YPEL1: variants seen among roughly 807,000 people sequenced by gnomAD.
YPEL1 encodes yippee like 1.
A neutral mutation model predicts 17.3 loss-of-function variants in YPEL1; 7 were observed. That is an observed-to-expected ratio of 0.40 (90% CI 0.23 to 0.76). The LOEUF (loss-of-function observed/expected upper bound fraction) is 0.76. YPEL1 is among the 30% of genes least tolerant of loss of function. The pLI is 0.35. For missense variants in YPEL1, 91 were observed against 155.5 expected (o/e 0.59, Z 2.21); for synonymous variants, 59 against 59.6 (o/e 0.99, Z 0.05).
At position 21,731,494 on chromosome 22, in the gene YPEL1, T is replaced by C. The variant is rs184335901; in HGVS notation, c.-165+4121A>G. ...TTATTTACCCTCATGCTAAATAAAG[T>C]CTCATCAGACATTAAAGGCCCTGTC... On this transcript the variant is annotated intron_variant, in intron 1 of 4. Transcript: ENST00000339468. 1.8e-4 allele frequency among the ~76,000 whole-genome samples: 26 copies of C among 143,180 alleles called. 1 individual carries two copies. The highest frequency in any genetic ancestry group is 1.4e-3 in the Admixed American group (20 of 14,064). 93.9% of individuals were successfully genotyped at this position (143,180 alleles called of 152,430 possible). A position where few individuals can be genotyped will look rare whatever the true frequency, so the allele number is the denominator to read the frequency against.
intron 1 of YPEL1, among the ~76,000 whole-genome samples, chr22:21,727,091 G>A (rs935121306): frequency 1.3e-5 from 2 of 152,156 alleles, no homozygotes; most frequent in Non-Finnish European, 2.9e-5. Flanking sequence ...TGCTGCCCTG[G>A]GTCCCAAATG....
chr22:21,729,442 TA>T (rs35544773), intron 1 of YPEL1, among the ~76,000 whole-genome samples: 23,800 of 129,914 alleles, frequency 0.18, 2,242 homozygotes, highest in Admixed American at 0.24. Context: ...CCCCCATCTC[TA>T]AAAAAAAAAA....
At chr22:21,710,441 C>T (rs369289211) in intron 2 of YPEL1, 187 bp downstream of exon 2, 26 of 620,348 alleles carry the variant, frequency 4.2e-5, no homozygotes, top group East Asian at 1.1e-4. Flanking sequence ...AGGATCACAT[C>T]TGAGATCGTG....
At chr22:21,718,678 T>C (rs2068251885) in intron 1 of YPEL1, among the ~76,000 whole-genome samples, 1 of 152,010 alleles carries the variant, frequency 6.6e-6, no homozygotes, top group African/African-American at 2.4e-5. Context: ...CTGAATCCGA[T>C]TTCATTAACA....
At chr22:21,710,983 T>G (rs1200339805) in intron 1 of YPEL1, 75 bp from the exon 2 acceptor site, 20 of 500,948 alleles carry the variant, frequency 4.0e-5, no homozygotes, top group South Asian at 1.5e-4. Context: ...GGGATTCATG[T>G]GTTGTGAAGC....
chr22:21,714,220 G>A (rs990324454), intron 1 of YPEL1, among the ~76,000 whole-genome samples: 7 of 152,224 alleles, frequency 4.6e-5, no homozygotes, highest in Admixed American at 1.3e-4. Context: ...GTTTGTAATC[G>A]TGTGAACGGA....
intron 2 of YPEL1, among the ~76,000 whole-genome samples, chr22:21,705,199 G>A (rs567287133): frequency 6.6e-6 from 1 of 152,264 alleles, no homozygotes; most frequent in South Asian, 2.1e-4. Context: ...GGCTGGTTTC[G>A]AACTCCTGGA....
At chr22:21,702,362 A>G (rs1293477442) in intron 4 of YPEL1, among the ~76,000 whole-genome samples, 1 of 152,192 alleles carries the variant, frequency 6.6e-6, no homozygotes, top group Non-Finnish European at 1.5e-5. Flanking sequence ...AGTCTTGTGG[A>G]GCCCGTTTCC....
rs1241184059 is a variant in YPEL1, at chr22:21,699,162, GTTTA to G, written c.*1963_*1966del. 1 of 152,450 alleles carries G rather than the reference GTTTA, an allele frequency of 6.6e-6. No individual in the cohort carries two copies. Among genetic ancestry groups the G allele is most frequent in the African/African-American group, 2.4e-5 (1 of 41,400 alleles). The allele number at this position is 152,450 out of a possible 1,614,324, so 9.4% of individuals were successfully genotyped here. ...GTGCCTGCCTGGACCGCAGGTCTGGGTTTAGGAAGGGCTGAAGTCGGGGGAGGTG... is the reference window on the plus strand; with the variant it reads ...GTGCCTGCCTGGACCGCAGGTCTGGGGGAAGGGCTGAAGTCGGGGGAGGTG... On this transcript the variant is annotated 3_prime_UTR_variant, in exon 5 of 5. Coordinates refer to ENST00000339468, the MANE Select transcript of YPEL1 (RefSeq NM_013313.5).
intron 2 of YPEL1, among the ~76,000 whole-genome samples, chr22:21,709,293 G>A (rs1282392984): frequency 6.6e-6 from 1 of 152,158 alleles, no homozygotes; most frequent in Non-Finnish European, 1.5e-5. Context: ...TGGGGTGCCT[G>A]GCTCCTTCCA....
At chr22:21,732,426 A>G (rs1043380278) in intron 1 of YPEL1, among the ~76,000 whole-genome samples, 2 of 152,186 alleles carry the variant, frequency 1.3e-5, no homozygotes, top group African/African-American at 4.8e-5. Flanking sequence ...GGGGGCTTCT[A>G]TTGCTTCTTC....
intron 1 of YPEL1, among the ~76,000 whole-genome samples, chr22:21,715,888 C>T (rs1025850185): frequency 2.0e-5 from 3 of 151,838 alleles, no homozygotes; most frequent in Non-Finnish European, 2.9e-5. Flanking sequence ...CTCAGCCTCA[C>T]GAGCACTGGG....
intron 1 of YPEL1, among the ~76,000 whole-genome samples, chr22:21,733,815 C>T (rs755800173): frequency 2.0e-5 from 3 of 152,186 alleles, no homozygotes; most frequent in Non-Finnish European, 4.4e-5. Flanking sequence ...AGCCTCTTTC[C>T]CTTTTCCTGC....
chr22:21,718,954 A>ATTTTAAG (rs75876350), intron 1 of YPEL1, among the ~76,000 whole-genome samples: 27,507 of 152,130 alleles, frequency 0.18, 2,917 homozygotes, highest in Middle Eastern at 0.27. Context: ...TCTTGTGCCA[A>ATTTTAAG]TCCTGAAATT....
At chr22:21,734,297 T>G (rs1601647522) in intron 1 of YPEL1, among the ~76,000 whole-genome samples, 1 of 152,196 alleles carries the variant, frequency 6.6e-6, no homozygotes, top group Non-Finnish European at 1.5e-5. Flanking sequence ...CACAGTTTAG[T>G]GACAAGAATG....
chr22:21,704,410 G>A (rs1006131739), intron 2 of YPEL1, among the ~76,000 whole-genome samples: 8 of 152,250 alleles, frequency 5.3e-5, no homozygotes, highest in East Asian at 3.9e-4. Context: ...TAATCCCAGC[G>A]CTTTGGAAGG....
chr22:21,707,346 G>A (rs895874101), intron 2 of YPEL1, among the ~76,000 whole-genome samples: 13 of 152,174 alleles, frequency 8.5e-5, no homozygotes, highest in African/African-American at 2.7e-4. Flanking sequence ...GAACCCGGGA[G>A]ACAGAGGTTG....
intron 1 of YPEL1, among the ~76,000 whole-genome samples, chr22:21,731,658 G>C (rs1210639006): frequency 2.0e-5 from 3 of 152,018 alleles, no homozygotes; most frequent in Non-Finnish European, 4.4e-5. Context: ...ACGAGGGAGG[G>C]AGTAGGTGAG....
chr22:21,721,484 C>G (rs1026575172), intron 1 of YPEL1, among the ~76,000 whole-genome samples: 2 of 150,266 alleles, frequency 1.3e-5, no homozygotes, highest in East Asian at 2.0e-4. Context: ...AGTACAGTGG[C>G]GTGATCTTGG....
Sources: gnomAD v4.1 joint callset for allele counts (sites outside exome capture counted in the v4.1 genomes callset) on GRCh38, gnomAD v4.1.1 for gene constraint, MANE v1.5 for transcripts, NCBI Gene and HGNC (gene_info 2026-07-23, HGNC 2026-07-21) for gene names.